The following IL1RAPL1 variants were observed in gnomAD, a reference collection of about 807,000 sequenced individuals.
The protein encoded by IL1RAPL1 is interleukin-1 receptor accessory protein-like 1.
Under a neutral mutation model 48.4 loss-of-function variants are expected in IL1RAPL1, and 3 were observed. That is an observed-to-expected ratio of 0.06 (90% CI 0.03 to 0.16). IL1RAPL1 has a LOEUF of 0.16. Among genes scored for constraint, IL1RAPL1 ranks in the 10% least tolerant of loss-of-function variants. IL1RAPL1 has a pLI of 1.00. For synonymous variants in IL1RAPL1, 185 were observed against 187.7 expected (o/e 0.99, Z 0.12); for missense variants, 349 against 530.6 (o/e 0.66, Z 3.36).
At chrX:28,590,793 T>C (rs1200401316) in intron 1 of IL1RAPL1, among the ~76,000 whole-genome samples, 1 of 111,856 alleles carries the variant, frequency 8.9e-6, no homozygotes, top group East Asian at 2.8e-4. Flanking sequence ...TTTTCTAAGC[T>C]CAGTAGGAGA....
intron 8 of IL1RAPL1, 111 bp from the exon 9 acceptor site, chrX:29,941,540 C>G: frequency 1.3e-6 from 1 of 795,803 alleles, no homozygotes; most frequent in Non-Finnish European, 1.9e-6. Context: ...TGTGTCAACC[C>G]GTTAACCCAC....
intron 2 of IL1RAPL1, among the ~76,000 whole-genome samples, chrX:29,248,029 A>G (rs983794931): frequency 5.4e-5 from 6 of 111,870 alleles, no homozygotes; most frequent in East Asian, 5.6e-4. Context: ...GTGGAGAGGT[A>G]GAAGAACTAT....
intron 3 of IL1RAPL1, among the ~76,000 whole-genome samples, chrX:29,374,527 G>A (rs1020919249): frequency 2.7e-5 from 3 of 109,261 alleles, no homozygotes; most frequent in African/African-American, 6.7e-5. Flanking sequence ...GCTTTTGGCC[G>A]CACCAGCCCT....
At chrX:29,259,095 C>T (rs1024186063) in intron 2 of IL1RAPL1, among the ~76,000 whole-genome samples, 7 of 111,504 alleles carry the variant, frequency 6.3e-5, no homozygotes, top group Non-Finnish European at 1.3e-4. Flanking sequence ...GCTCAGACTT[C>T]GATGACCCTA....
chrX:29,758,419 G>A (rs1928668964), intron 6 of IL1RAPL1, among the ~76,000 whole-genome samples: 2 of 111,255 alleles, frequency 1.8e-5, no homozygotes, highest in South Asian at 3.7e-4. Flanking sequence ...CAGGCCAGAC[G>A]CAGTGGCTCA....
intron 6 of IL1RAPL1, among the ~76,000 whole-genome samples, chrX:29,819,804 A>G (rs973876748): frequency 2.8e-5 from 3 of 105,640 alleles, no homozygotes; most frequent in African/African-American, 1.0e-4. Context: ...TTTATGTTAA[A>G]CATCAGGCTC....
At chrX:29,863,889 C>T (rs1349129096) in intron 6 of IL1RAPL1, among the ~76,000 whole-genome samples, 17 of 111,464 alleles carry the variant, frequency 1.5e-4, no homozygotes, top group African/African-American at 3.6e-4. Context: ...CGTATTCAAG[C>T]GATTCCCCTG....
chrX:29,377,692 T>A (rs1433076085), intron 3 of IL1RAPL1, among the ~76,000 whole-genome samples: 1 of 112,059 alleles, frequency 8.9e-6, no homozygotes, highest in Non-Finnish European at 1.9e-5. Flanking sequence ...GGCTGCCAAT[T>A]TTTTCTGGCT....
In IL1RAPL1 at chrX:29,527,546, C is replaced by T. The variant is rs543706579; in HGVS notation, c.703+128238C>T. On this transcript the variant is annotated intron_variant, in intron 5 of 10. Transcript: ENST00000378993. Reference sequence around the variant, plus strand: ...TTCACCGTGTTGGCCAAGATGGTCTCGATCTCCTGACCTCGTGATCTGCCC... The same window carrying T: ...TTCACCGTGTTGGCCAAGATGGTCTTGATCTCCTGACCTCGTGATCTGCCC... 5.9e-4 allele frequency among the ~76,000 whole-genome samples: 64 copies of T among 108,661 alleles called. 1 individual carries two copies. In the South Asian group the frequency reaches 0.015, roughly 26 times the overall value. The allele number at this position is 108,661 out of a possible 115,157, so 94.4% of individuals were successfully genotyped here. A position where few individuals can be genotyped will look rare whatever the true frequency, so the allele number is the denominator to read the frequency against.
At chrX:29,768,047 AATT>A (rs1268567453) in intron 6 of IL1RAPL1, among the ~76,000 whole-genome samples, 1 of 111,868 alleles carries the variant, frequency 8.9e-6, no homozygotes, top group Non-Finnish European at 1.9e-5. Flanking sequence ...CATTTAAAAA[AATT>A]ATATTTTTCT....
rs1226377248 is a variant in IL1RAPL1 at position 29,696,196 on chromosome X, G to C, written c.778+27692G>C. On this transcript the variant is annotated intron_variant, in intron 6 of 10. Coordinates refer to ENST00000378993, the MANE Select transcript of IL1RAPL1 (RefSeq NM_014271.4). ...ATGCCAGTACCAGTCCCCCAGTTGAGCCAACCAAATATTTCTCCAGACATT... is the reference window on the plus strand; with the variant it reads ...ATGCCAGTACCAGTCCCCCAGTTGACCCAACCAAATATTTCTCCAGACATT... 2.7e-5 allele frequency among the ~76,000 whole-genome samples: 3 copies of C among 111,542 alleles called. No homozygotes were observed. In the East Asian group the frequency reaches 8.5e-4, roughly 31 times the overall value.
At chrX:29,315,769 C>T (rs12014119) in intron 3 of IL1RAPL1, among the ~76,000 whole-genome samples, 14,230 of 111,407 alleles carry the variant, frequency 0.13, 1,052 homozygotes, top group East Asian at 0.28. Flanking sequence ...GCTTATCTGG[C>T]ACTTGCTTTC....
chrX:29,477,402 C>T (rs868808855), intron 5 of IL1RAPL1, among the ~76,000 whole-genome samples: 2 of 111,831 alleles, frequency 1.8e-5, no homozygotes, highest in South Asian at 3.7e-4. Context: ...ATAGAGAAAG[C>T]GAATGCTATT....
At chrX:29,188,730 G>A (rs779255721) in intron 2 of IL1RAPL1, among the ~76,000 whole-genome samples, 1 of 108,918 alleles carries the variant, frequency 9.2e-6, no homozygotes, top group South Asian at 4.0e-4. Context: ...AGGATTGCAG[G>A]TGCCCGCCAC....
intron 2 of IL1RAPL1, among the ~76,000 whole-genome samples, chrX:28,850,251 A>C (rs971752244): frequency 9.0e-5 from 10 of 111,650 alleles, no homozygotes; most frequent in African/African-American, 3.3e-4. Context: ...GACTGGCTGA[A>C]TGCATTGTGA....
At chrX:29,507,230 T>C (rs1935340932) in intron 5 of IL1RAPL1, among the ~76,000 whole-genome samples, 1 of 104,087 alleles carries the variant, frequency 9.6e-6, no homozygotes, top group Admixed American at 1.0e-4. Flanking sequence ...ATTTTATATT[T>C]TATTTTTTCT....
At chrX:29,860,244 G>T (rs1396172424) in intron 6 of IL1RAPL1, among the ~76,000 whole-genome samples, 2 of 111,628 alleles carry the variant, frequency 1.8e-5, no homozygotes, top group African/African-American at 6.5e-5. Flanking sequence ...TTCCAAATTA[G>T]CTTATAATTT....
At chrX:29,909,127 C>T (rs1244583459) in intron 6 of IL1RAPL1, among the ~76,000 whole-genome samples, 1 of 111,701 alleles carries the variant, frequency 9.0e-6, no homozygotes, top group Non-Finnish European at 1.9e-5. Flanking sequence ...GTAATCCCAG[C>T]ACTTTGGGAG....
At position 28,723,763 on chromosome X, in the gene IL1RAPL1, A is replaced by G. The variant is rs4292877; in HGVS notation, c.-24-65557A>G. Among the ~76,000 whole-genome samples the G allele has an allele frequency of 9.7e-3, 1,080 of 111,596 alleles. 15 individuals carry two copies. Among genetic ancestry groups the G allele is most frequent in the African/African-American group, 0.033 (1,025 of 30,646 alleles). The stretch of plus-strand genomic sequence containing the variant: ...TAAATTTCCCTCTACACACCGCTTT[A>G]AATGTGTCCCAGAGATTCTGGTATG... On this transcript the variant is annotated intron_variant, in intron 1 of 10. Transcript: ENST00000378993.
Sources: gnomAD v4.1 joint callset for allele counts (sites outside exome capture counted in the v4.1 genomes callset) on GRCh38, gnomAD v4.1.1 for gene constraint, MANE v1.5 for transcripts, NCBI Gene and HGNC (gene_info 2026-07-23, HGNC 2026-07-21) for gene names.